Variants in CTNNA2 observed in about 807,000 individuals in gnomAD.
CTNNA2 encodes catenin alpha 2.
In CTNNA2, 42 loss-of-function variants were observed where a neutral mutation model predicts 101.0. The observed-to-expected ratio is 0.42, with a 90% CI of 0.32 to 0.54. The LOEUF (loss-of-function observed/expected upper bound fraction) is 0.54, where lower values mean the gene tolerates loss of function less well. Ranked by LOEUF, CTNNA2 falls within the 20% of genes least tolerant of loss-of-function variation. The pLI, the probability that CTNNA2 is intolerant of heterozygous loss-of-function variation, is 0.14. For missense variants in CTNNA2, 871 were observed against 1,223.1 expected, an observed-to-expected ratio of 0.71 and a Z score of 4.29; for synonymous variants, 450 against 456.4, an observed-to-expected ratio of 0.99 and a Z score of 0.18.
chr2:80,140,979 T>C (rs1702970941), intron 7 of CTNNA2, among the ~76,000 whole-genome samples: 1 of 152,172 alleles, frequency 6.6e-6, no homozygotes, highest in Non-Finnish European at 1.5e-5. Context: ...TTCAGTTTGA[T>C]TTTGCAATGC....
chr2:80,179,015 T>A (rs1705585339), intron 7 of CTNNA2, among the ~76,000 whole-genome samples: 1 of 152,190 alleles, frequency 6.6e-6, no homozygotes, highest in Non-Finnish European at 1.5e-5. Flanking sequence ...GCGATCAAGA[T>A]CTTTGTGAAC....
At chr2:79,963,407 G>C (rs1689802382) in intron 7 of CTNNA2, among the ~76,000 whole-genome samples, 1 of 152,154 alleles carries the variant, frequency 6.6e-6, no homozygotes. Flanking sequence ...AACCAGGGTA[G>C]ACAAATACGA....
At chr2:79,298,309 A>G (rs1279235150) in intron 2 of CTNNA2, among the ~76,000 whole-genome samples, 1 of 152,164 alleles carries the variant, frequency 6.6e-6, no homozygotes, top group Non-Finnish European at 1.5e-5. Flanking sequence ...GAATAGAGAA[A>G]GAGTTCATTT....
At chr2:80,434,243 A>T (rs1352389336) in intron 9 of CTNNA2, among the ~76,000 whole-genome samples, 4 of 152,216 alleles carry the variant, frequency 2.6e-5, no homozygotes, top group Admixed American at 1.3e-4. Flanking sequence ...TTTCATTTTC[A>T]TGTAGTTGCT....
chr2:79,227,776 T>C (rs1424962307), intron 2 of CTNNA2, among the ~76,000 whole-genome samples: 1 of 152,204 alleles, frequency 6.6e-6, no homozygotes, highest in Non-Finnish European at 1.5e-5. Flanking sequence ...ACTTTTATTA[T>C]AGATTAAAGG....
chr2:79,781,846 C>A (rs1034634684), intron 3 of CTNNA2, among the ~76,000 whole-genome samples: 6 of 152,150 alleles, frequency 3.9e-5, no homozygotes, highest in Non-Finnish European at 7.4e-5. Flanking sequence ...TCATACATTT[C>A]TCAAATTATG....
chr2:80,588,721 G>C (rs1481434250), intron 14 of CTNNA2, among the ~76,000 whole-genome samples: 1 of 152,140 alleles, frequency 6.6e-6, no homozygotes, highest in African/African-American at 2.4e-5. Flanking sequence ...CCCTAAAGGA[G>C]ATGGGGGAGG....
chr2:79,314,691 G>A lies in CTNNA2; in HGVS notation c.-318+1895G>A, dbSNP rs558093588. Among the ~76,000 whole-genome samples, 5 of 152,280 alleles carry A rather than the reference G, an allele frequency of 3.3e-5. No individual in the cohort carries two copies. In the South Asian group the frequency reaches 6.2e-4, roughly 19 times the overall value. On this transcript the variant is annotated intron_variant, in intron 3 of 21. Transcript: ENST00000466387. ...TTTGTTCCAGAGATAGATAGGAATT[G>A]TTCCTTGGGGCCCCATTTTGGCTCA...
At chr2:80,333,445 G>A (rs1178719910) in intron 7 of CTNNA2, among the ~76,000 whole-genome samples, 2 of 152,184 alleles carry the variant, frequency 1.3e-5, no homozygotes, top group African/African-American at 4.8e-5. Flanking sequence ...CAAGATAAAT[G>A]ATGGAGATAA....
chr2:79,623,618 A>T (rs1679126591), intron 1 of CTNNA2, among the ~76,000 whole-genome samples: 1 of 152,166 alleles, frequency 6.6e-6, no homozygotes, highest in Admixed American at 6.5e-5. Context: ...TTCCAAATGG[A>T]GATTGGGAAA....
intron 1 of CTNNA2, among the ~76,000 whole-genome samples, chr2:79,602,335 T>G (rs1677603781): frequency 6.6e-6 from 1 of 152,098 alleles, no homozygotes; most frequent in South Asian, 2.1e-4. Context: ...AAAATTCAGT[T>G]TACCCATTCA....
intron 2 of CTNNA2, among the ~76,000 whole-genome samples, chr2:79,236,065 A>C (rs562470719): frequency 1.3e-5 from 2 of 152,180 alleles, no homozygotes; most frequent in South Asian, 4.1e-4. Context: ...CCAGGGAAAC[A>C]GGAGGATACA....
intron 4 of CTNNA2, among the ~76,000 whole-genome samples, chr2:79,377,833 T>C (rs1441212708): frequency 6.6e-6 from 1 of 152,180 alleles, no homozygotes; most frequent in African/African-American, 2.4e-5. Context: ...CCCTTTCTTA[T>C]CTGATGCAAA....
At chr2:80,645,485 G>A (rs560740558) in intron 18 of CTNNA2, among the ~76,000 whole-genome samples, 1 of 152,264 alleles carries the variant, frequency 6.6e-6, no homozygotes, top group African/African-American at 2.4e-5. Context: ...ACAGTCTTTA[G>A]GTTTCATTAA....
chr2:80,175,890 G>A (rs1705363841), intron 7 of CTNNA2, among the ~76,000 whole-genome samples: 1 of 152,190 alleles, frequency 6.6e-6, no homozygotes, highest in Non-Finnish European at 1.5e-5. Context: ...AGGGCAGGAA[G>A]CATCCAGCAC....
chr2:80,227,503 G>A (rs1184949879), intron 7 of CTNNA2, among the ~76,000 whole-genome samples: 1 of 152,148 alleles, frequency 6.6e-6, no homozygotes, highest in East Asian at 1.9e-4. Flanking sequence ...CAGGCATTCA[G>A]CCATCTATTT....
intron 7 of CTNNA2, among the ~76,000 whole-genome samples, chr2:80,382,099 C>A (rs140765047): frequency 5.3e-5 from 8 of 152,102 alleles, no homozygotes; most frequent in Non-Finnish European, 1.2e-4. Flanking sequence ...ATGACTCTAC[C>A]GTTGGTGAAG....
intron 7 of CTNNA2, among the ~76,000 whole-genome samples, chr2:80,068,923 A>G (rs867936673): frequency 6.6e-6 from 1 of 152,216 alleles, no homozygotes; most frequent in Non-Finnish European, 1.5e-5. Context: ...TGGAATGATC[A>G]AGGACCTAAC....
intron 7 of CTNNA2, among the ~76,000 whole-genome samples, chr2:79,969,803 C>T (rs1392411430): frequency 6.6e-6 from 1 of 152,086 alleles, no homozygotes; most frequent in Non-Finnish European, 1.5e-5. Flanking sequence ...AAATCGGAAA[C>T]ACTTTTTGGG....
Sources: allele counts gnomAD v4.1 joint callset (sites outside exome capture counted in the v4.1 genomes callset), GRCh38; gene constraint gnomAD v4.1.1; transcripts MANE v1.5; gene names NCBI Gene and HGNC (gene_info 2026-07-23, HGNC 2026-07-21).